FANCL: variants seen among roughly 807,000 people sequenced by gnomAD.
FANCL encodes FA complementation group L, also known as E3 ubiquitin-protein ligase FANCL.
A neutral mutation model predicts 59.4 loss-of-function variants in FANCL; 69 were observed. The ratio of observed to expected loss-of-function variants is 1.16; its 90% CI spans 0.96 to 1.42. The LOEUF (loss-of-function observed/expected upper bound fraction) is 1.42, where lower values mean the gene tolerates loss of function less well. FANCL is among the 40% of genes most tolerant of loss of function. The pLI is 0.00. For synonymous variants in FANCL, 180 were observed against 147.1 expected (o/e 1.22, Z -1.62); for missense variants, 519 against 447.2 (o/e 1.16, Z -1.45).
chr2:58,174,363 T>C (rs1416745873), intron 7 of FANCL, among the ~76,000 whole-genome samples: 3 of 152,070 alleles, frequency 2.0e-5, no homozygotes, highest in Non-Finnish European at 4.4e-5. Flanking sequence ...CCACACCTGT[T>C]CCAAAATCGA....
At chr2:58,238,483 A>C (rs1292269206) in intron 1 of FANCL, among the ~76,000 whole-genome samples, 2 of 152,220 alleles carry the variant, frequency 1.3e-5, no homozygotes, top group African/African-American at 4.8e-5. Context: ...AGACATTAAA[A>C]GGATAATAAG....
At chr2:58,175,033 G>A (rs544196800) in intron 7 of FANCL, among the ~76,000 whole-genome samples, 48 of 151,964 alleles carry the variant, frequency 3.2e-4, no homozygotes, top group African/African-American at 1.1e-3. Context: ...AGAAAATCTA[G>A]AAGAAATGGA....
At chr2:58,177,465 G>C (rs1393389385) in intron 7 of FANCL, among the ~76,000 whole-genome samples, 1 of 152,006 alleles carries the variant, frequency 6.6e-6, no homozygotes, top group South Asian at 2.1e-4. Flanking sequence ...AAAAGGATGA[G>C]TTCATGTCCT....
At position 58,165,793 on chromosome 2, in the gene FANCL, C is replaced by T. The variant is rs199564543; in HGVS notation, c.622G>A (p.Asp208Asn). 147 of 1,614,064 alleles carry T rather than the reference C, an allele frequency of 9.1e-5. 1 individual carries two copies. In the East Asian group the frequency reaches 2.7e-3, roughly 30 times the overall value. Residue 208 changes from aspartate to asparagine, a missense_variant, in exon 8 of 14, where the codon GAT (aspartate) becomes AAT (asparagine). Transcript: ENST00000233741. The part of the protein sequence containing the change: ...KAFWDVMDEI[D>N]EKTWVLEPEK... ...GGCTCAAGTACCCAGGTCTTCTCAT[C>T]GATTTCATCCATAACATCCCAGAAT...
intron 6 of FANCL, among the ~76,000 whole-genome samples, chr2:58,203,605 G>T (rs1234022089): frequency 1.3e-5 from 2 of 151,902 alleles, no homozygotes; most frequent in African/African-American, 4.8e-5. Flanking sequence ...TATCCTATAA[G>T]GGATCTATAA....
At chr2:58,233,541 A>C (rs191445475) in intron 1 of FANCL, among the ~76,000 whole-genome samples, 1 of 152,168 alleles carries the variant, frequency 6.6e-6, no homozygotes, top group African/African-American at 2.4e-5. Flanking sequence ...ATTAAGAATA[A>C]ATAAAACCAC....
In FANCL at chr2:58,182,128, T is replaced by G. The variant is rs980260957; in HGVS notation, c.541-16254A>C. 2.0e-5 allele frequency among the ~76,000 whole-genome samples: 3 copies of G among 151,952 alleles called. No individual in the cohort carries two copies. In the South Asian group the frequency reaches 6.2e-4, roughly 31 times the overall value. On this transcript the variant is annotated intron_variant, in intron 7 of 13. Coordinates refer to ENST00000233741, the MANE Select transcript of FANCL (RefSeq NM_018062.4). The stretch of plus-strand genomic sequence containing the variant: ...TTAACTTCTAAGTAAAATGTAGCAT[T>G]TCCTTCAACTATGGATATAGGTAAG...
At chr2:58,222,343 C>T (rs1324012000) in intron 4 of FANCL, among the ~76,000 whole-genome samples, 2 of 151,878 alleles carry the variant, frequency 1.3e-5, no homozygotes, top group Non-Finnish European at 2.9e-5. Context: ...TTAAATTCAT[C>T]CTCAAGGCTT....
intron 7 of FANCL, among the ~76,000 whole-genome samples, chr2:58,167,905 G>T (rs1008253998): frequency 2.0e-5 from 3 of 152,028 alleles, no homozygotes; most frequent in Admixed American, 6.6e-5. Flanking sequence ...GCGATTAATA[G>T]TTTTTTCTCC....
intron 7 of FANCL, among the ~76,000 whole-genome samples, chr2:58,196,193 C>T (rs1689410669): frequency 6.6e-6 from 1 of 151,860 alleles, no homozygotes; most frequent in Non-Finnish European, 1.5e-5. Context: ...GCCTATATAC[C>T]AATTTTGGGT....
In FANCL at chr2:58,182,425, T is replaced by C. The variant is rs542750821; in HGVS notation, c.540+16169A>G. ...TTACCAGAGTCACACTTCCATACAA[T>C]TCACAAAAAGAAAGGCACCCTTAAG... On this transcript the variant is annotated intron_variant, in intron 7 of 13. Transcript: ENST00000233741. 1.3e-4 allele frequency among the ~76,000 whole-genome samples: 19 copies of C among 151,908 alleles called. No homozygotes were observed. In the South Asian group the frequency reaches 3.7e-3, roughly 30 times the overall value.
Position 58,165,827 on chromosome 2 carries a change from T to G in FANCL, c.588A>C (p.Ser196=). ...IYSQFLAAIE[S]LKAFWDVMDE... ...CCATAACATCCCAGAATGCCTTTAG[T>G]GATTCTATTGCTGCCAAAAACTGAC... Residue 196 remains serine (S), a synonymous_variant, in exon 8 of 14, where the codon TCA becomes TCC. Transcript: ENST00000233741. 6.2e-7 allele frequency: 1 copy of G among 1,614,092 alleles called. No homozygotes were observed. The highest frequency in any genetic ancestry group is 1.3e-5 in the African/African-American group (1 of 75,046).
chr2:58,238,235 A>G (rs866803209), intron 1 of FANCL, among the ~76,000 whole-genome samples: 4 of 152,154 alleles, frequency 2.6e-5, no homozygotes, highest in Admixed American at 2.0e-4. Context: ...TCTTCTTCCA[A>G]TGTGACCCAG....
intron 5 of FANCL, among the ~76,000 whole-genome samples, chr2:58,210,303 C>G (rs1228972484): frequency 1.3e-5 from 2 of 152,140 alleles, no homozygotes; most frequent in Non-Finnish European, 2.9e-5. Context: ...CAAGTCCCAT[C>G]TTACACGGAT....
intron 7 of FANCL, 120 bp downstream of exon 7, chr2:58,198,474 A>G: frequency 4.1e-6 from 3 of 728,794 alleles, no homozygotes; most frequent in Non-Finnish European, 7.1e-6. Flanking sequence ...AGATTTGGGT[A>G]TGCATGGATT....
intron 1 of FANCL, among the ~76,000 whole-genome samples, chr2:58,238,985 T>C (rs1241868013): frequency 1.3e-5 from 2 of 152,126 alleles, no homozygotes; most frequent in East Asian, 1.9e-4. Flanking sequence ...ATCAAGTAAT[T>C]TTTTTAAAAG....
chr2:58,233,024 T>C (rs1693721159), intron 1 of FANCL, among the ~76,000 whole-genome samples: 2 of 152,084 alleles, frequency 1.3e-5, no homozygotes, highest in African/African-American at 4.8e-5. Flanking sequence ...TTTACTTTCA[T>C]GGTAATATTA....
chr2:58,217,145 T>TTATATATATATTTATATATATTTTA (rs1558806027), intron 5 of FANCL, among the ~76,000 whole-genome samples: 16 of 67,624 alleles, frequency 2.4e-4, no homozygotes, highest in African/African-American at 6.4e-4. Context: ...ATATATAGAT[T>TTATATATATATTTATATATATTTTA]TATATATATA....
At chr2:58,201,793 T>C (rs1296032838) in intron 6 of FANCL, among the ~76,000 whole-genome samples, 1 of 152,034 alleles carries the variant, frequency 6.6e-6, no homozygotes, top group Non-Finnish European at 1.5e-5. Context: ...AATAGGTATT[T>C]GTTTTCTTTG....
Sources: allele counts gnomAD v4.1 joint callset (sites outside exome capture counted in the v4.1 genomes callset), GRCh38; gene constraint gnomAD v4.1.1; transcripts MANE v1.5; gene names NCBI Gene and HGNC (gene_info 2026-07-23, HGNC 2026-07-21).